The following CADM2 variants were observed in gnomAD, a reference collection of about 807,000 sequenced individuals.
The protein encoded by CADM2 is immunoglobulin superfamily member 4D.
Under a neutral mutation model 49.8 loss-of-function variants are expected in CADM2, and 12 were observed. The observed-to-expected ratio is 0.24, with a 90% CI of 0.15 to 0.39. The LOEUF is 0.39. Ranked by LOEUF, CADM2 falls within the 10% of genes least tolerant of loss-of-function variation. The pLI is 1.00. For synonymous variants in CADM2, 214 were observed against 175.4 expected (o/e 1.22, Z -1.74); for missense variants, 378 against 492.3 (o/e 0.77, Z 2.20).
rs769055290 is a variant in CADM2 at position 85,432,461 on chromosome 3, C to T, written c.62-294061C>T. On this transcript the variant is annotated intron_variant, in intron 1 of 9. Transcript: ENST00000383699. ...CAAAAGTTTTAAGTGGGTCCCTCCA[C>T]CCTCAAATCGTGAGAAGGGTTTGAA... 9.2e-5 allele frequency among the ~76,000 whole-genome samples: 14 copies of T among 152,072 alleles called. 1 individual carries two copies. The highest frequency in any genetic ancestry group is 2.1e-4 in the Non-Finnish European group (14 of 68,024).
intron 2 of CADM2, among the ~76,000 whole-genome samples, chr3:85,789,400 T>C (rs1223547458): frequency 6.6e-6 from 1 of 152,226 alleles, no homozygotes; most frequent in Non-Finnish European, 1.5e-5. Context: ...AAAATAACTT[T>C]ATGTATACAT....
At chr3:85,521,417 C>T (rs1017473651) in intron 1 of CADM2, among the ~76,000 whole-genome samples, 6 of 152,032 alleles carry the variant, frequency 3.9e-5, no homozygotes, top group Non-Finnish European at 8.8e-5. Flanking sequence ...ATACGCTTAT[C>T]GATATCATTT....
chr3:85,297,649 T>G (rs1478014005), intron 1 of CADM2, among the ~76,000 whole-genome samples: 1 of 151,910 alleles, frequency 6.6e-6, no homozygotes, highest in Non-Finnish European at 1.5e-5. Context: ...CCTCCTCATT[T>G]TTCTCCCCAT....
intron 1 of CADM2, among the ~76,000 whole-genome samples, chr3:85,018,125 G>A (rs753810978): frequency 9.9e-5 from 15 of 152,116 alleles, no homozygotes; most frequent in Non-Finnish European, 1.3e-4. Context: ...TATAGTGTGT[G>A]CATATATGTG....
chr3:85,652,495 A>G lies in CADM2; in HGVS notation c.62-74027A>G, dbSNP rs367831869. ...CAGTCATCTCAATGCTTGACTTGGA[A>G]ACAATCTGCTTCTACTCTCACTTGT... On this transcript the variant is annotated intron_variant, in intron 1 of 9. Coordinates refer to ENST00000383699, the MANE Select transcript of CADM2 (RefSeq NM_001167675.2). Among the ~76,000 whole-genome samples, 5 of 152,114 alleles carry G rather than the reference A, an allele frequency of 3.3e-5. 1 individual carries two copies. The East Asian group carries it at 9.7e-4, about 29-fold the overall frequency.
rs138418622 is a variant in CADM2 at position 85,961,602 on chromosome 3, A to T, written c.925A>T (p.Asn309Tyr). Residue 309 changes from asparagine to tyrosine, a missense_variant, in exon 8 of 10, where the codon AAC (asparagine) becomes TAC (tyrosine). Asn to Tyr is a moderately radical substitution (Grantham distance 143). Coordinates refer to ENST00000383699, the MANE Select transcript of CADM2 (RefSeq NM_001167675.2). ...TGGTACATATCGATGTGAAGCCACA[A>T]ACACCATTGGCCAAAGCAGTGCGGA... ...DNGTYRCEAT[N>Y]TIGQSSAEYV... 2 of 1,605,872 alleles carry T rather than the reference A, an allele frequency of 1.2e-6. No individual in the cohort carries two copies. The highest frequency in any genetic ancestry group is 1.7e-6 in the Non-Finnish European group (2 of 1,174,310).
At chr3:85,362,142 C>T (rs952525519) in intron 1 of CADM2, among the ~76,000 whole-genome samples, 1 of 152,162 alleles carries the variant, frequency 6.6e-6, no homozygotes, top group African/African-American at 2.4e-5. Context: ...TGAAATTAGG[C>T]ATATGGAATA....
At chr3:85,278,718 TTGTGTGTGTG>T (rs36208431) in intron 1 of CADM2, among the ~76,000 whole-genome samples, 28,217 of 144,430 alleles carry the variant, frequency 0.2, 3,134 homozygotes, top group East Asian at 0.33. Flanking sequence ...GCTGATGTTC[TTGTGTGTGTG>T]TGTGTGTGTG....
chr3:85,413,161 A>AAATAAAAAT (rs2035751009), intron 1 of CADM2, among the ~76,000 whole-genome samples: 1 of 108,526 alleles, frequency 9.2e-6, no homozygotes, highest in African/African-American at 4.1e-5. Flanking sequence ...AAAAAAAAAA[A>AAATAAAAAT]AATAATAATA....
chr3:85,791,718 T>C (rs765075321), intron 2 of CADM2, among the ~76,000 whole-genome samples: 1 of 149,400 alleles, frequency 6.7e-6, no homozygotes, highest in African/African-American at 2.6e-5. Context: ...TTTGTTGTTG[T>C]TGTTTGTTTG....
chr3:85,969,347 A>C (rs2108636411), intron 8 of CADM2, among the ~76,000 whole-genome samples: 1 of 151,224 alleles, frequency 6.6e-6, no homozygotes, highest in South Asian at 2.1e-4. Flanking sequence ...AACTCCTCTA[A>C]GTTATCAAGG....
At chr3:85,710,195 A>G (rs1189945538) in intron 1 of CADM2, among the ~76,000 whole-genome samples, 2 of 152,276 alleles carry the variant, frequency 1.3e-5, no homozygotes, top group African/African-American at 4.8e-5. Context: ...ATAACAAGCT[A>G]AAAGACCTCC....
intron 1 of CADM2, among the ~76,000 whole-genome samples, chr3:85,533,749 A>G (rs1304107595): frequency 1.3e-5 from 2 of 152,192 alleles, no homozygotes; most frequent in African/African-American, 4.8e-5. Flanking sequence ...CAGCTTAGAG[A>G]CAGAACAGGA....
intron 1 of CADM2, among the ~76,000 whole-genome samples, chr3:85,266,616 G>A (rs2043126017): frequency 6.8e-6 from 1 of 147,974 alleles, no homozygotes; most frequent in East Asian, 2.0e-4. Flanking sequence ...AGACGGTAAG[G>A]TTTTAACTGC....
chr3:85,383,503 CATATATATATATGT>C (rs1157734162), intron 1 of CADM2, among the ~76,000 whole-genome samples: 3,975 of 109,044 alleles, frequency 0.036, 109 homozygotes, highest in African/African-American at 0.085. Flanking sequence ...TACATAAAAC[CATATATATATATGT>C]ATATATATAT....
intron 8 of CADM2, among the ~76,000 whole-genome samples, chr3:86,063,154 TC>T (rs1283321364): frequency 1.3e-5 from 2 of 152,110 alleles, no homozygotes; most frequent in African/African-American, 2.4e-5. Context: ...AACGTAAAGT[TC>T]CATCAAACCA....
chr3:85,755,297 A>G (rs76200698), intron 2 of CADM2, among the ~76,000 whole-genome samples: 5,719 of 152,258 alleles, frequency 0.038, 158 homozygotes, highest in Non-Finnish European at 0.056. Context: ...TCAGGAAAGC[A>G]CTACCATTAT....
chr3:85,177,866 T>C (rs1157629323), intron 1 of CADM2, among the ~76,000 whole-genome samples: 1 of 151,988 alleles, frequency 6.6e-6, no homozygotes, highest in Non-Finnish European at 1.5e-5. Context: ...TATTGTTATA[T>C]ATTATGAATA....
At chr3:85,697,709 T>C (rs1254763851) in intron 1 of CADM2, among the ~76,000 whole-genome samples, 2 of 152,196 alleles carry the variant, frequency 1.3e-5, no homozygotes, top group Non-Finnish European at 2.9e-5. Flanking sequence ...GTGAAAAGCA[T>C]GTGGGAAGAC....
Sources: allele counts gnomAD v4.1 joint callset (sites outside exome capture counted in the v4.1 genomes callset), GRCh38; gene constraint gnomAD v4.1.1; transcripts MANE v1.5; gene names NCBI Gene and HGNC (gene_info 2026-07-23, HGNC 2026-07-21).